The following CCDC120 variants were observed in gnomAD, a reference collection of about 807,000 sequenced individuals.
The protein encoded by CCDC120 is coiled-coil domain containing 120.
In CCDC120, 16 loss-of-function variants were observed where a neutral mutation model predicts 37.6. That is an observed-to-expected ratio of 0.43 (90% CI 0.29 to 0.65). The LOEUF (loss-of-function observed/expected upper bound fraction) is 0.65, where lower values mean the gene tolerates loss of function less well. CCDC120 is among the 30% of genes least tolerant of loss of function. CCDC120 has a pLI of 0.18. For synonymous variants in CCDC120, 309 were observed against 275.4 expected (o/e 1.12, Z -1.21); for missense variants, 650 against 657.4 (o/e 0.99, Z 0.12).
At chrX:49,056,952 A>G (rs1033734074), upstream of CCDC120, among the ~76,000 whole-genome samples, 9 of 112,073 alleles carry the variant, frequency 8.0e-5, no homozygotes, top group African/African-American at 2.3e-4. Context: ...ATCGTCCCCA[A>G]TTGACAGAGA....
chrX:49,069,706 T>C lies in CCDC120; in HGVS notation c.*1048T>C, dbSNP rs2064999043. 1 of 112,509 alleles carries C rather than the reference T, an allele frequency of 8.9e-6. No homozygotes were observed. The highest frequency in any genetic ancestry group is 3.2e-5 in the African/African-American group (1 of 30,863). 9.3% of individuals were successfully genotyped at this position (112,509 alleles called of 1,213,427 possible). The stretch of plus-strand genomic sequence containing the variant: ...TAAGCAAACCCACACAAGTTGTGTT[T>C]TCTATGATACCTGTCTGTGATTTTC... On this transcript the variant is annotated 3_prime_UTR_variant, in exon 11 of 11. Coordinates refer to ENST00000603986, the MANE Select transcript of CCDC120 (RefSeq NM_001163321.4).
upstream of CCDC120, among the ~76,000 whole-genome samples, chrX:49,054,209 C>T (rs1557078098): frequency 1.8e-5 from 2 of 110,997 alleles, no homozygotes; most frequent in African/African-American, 3.3e-5. Context: ...TGCCTGACCC[C>T]GTCTCATCTC....
intron 3 of CCDC120, 39 bp downstream of exon 3, chrX:49,062,364 C>T: frequency 4.1e-6 from 5 of 1,206,407 alleles, no homozygotes; most frequent in Non-Finnish European, 5.6e-6. Flanking sequence ...TCCTCCCCTG[C>T]TCTGAATCAC....
At chrX:49,065,696 G>A in intron 8 of CCDC120, 51 bp from the exon 9 acceptor site, 1 of 1,186,643 alleles carries the variant, frequency 8.4e-7, no homozygotes, top group Non-Finnish European at 1.1e-6. Context: ...GCTGGCAGAG[G>A]GTCTGCTGGT....
chrX:49,068,326 G>A (rs2064984870), intron 10 of CCDC120: 1 of 1,067,028 alleles, frequency 9.4e-7, no homozygotes, highest in Non-Finnish European at 1.2e-6. Flanking sequence ...GGCTGAAGAT[G>A]AGCCTTGAAG....
chrX:49,065,690 G>T (rs2064945042), intron 8 of CCDC120, 57 bp from the exon 9 acceptor site: 2 of 1,191,232 alleles, frequency 1.7e-6, no homozygotes, highest in Non-Finnish European at 2.3e-6. Flanking sequence ...GCCTGGGCTG[G>T]CAGAGGGTCT....
chrX:49,055,376 C>T (rs1409434208), upstream of CCDC120, among the ~76,000 whole-genome samples: 1 of 112,129 alleles, frequency 8.9e-6, no homozygotes, highest in African/African-American at 3.2e-5. Flanking sequence ...ATTCTGGGTG[C>T]ATGATCCCTG....
In CCDC120 at chrX:49,064,531, G is replaced by A; in HGVS notation, c.591G>A (p.Glu197=). The change falls in exon 6 of 11, where the codon GAG becomes GAA. Residue 197 remains glutamate (E), a synonymous_variant. Transcript: ENST00000603986. Reference sequence around the variant, plus strand: ...TGAGGAGGCTGCATGAGCTAGAGGAGCAGCTCAGGGATGTCCGGGCCCGCC... The same window carrying A: ...TGAGGAGGCTGCATGAGCTAGAGGAACAGCTCAGGGATGTCCGGGCCCGCC... The part of the protein sequence containing the change: ...DALRRLHELE[E]QLRDVRARLG... The A allele has an allele frequency of 8.5e-7, 1 of 1,181,207 alleles. No homozygotes were observed. Among genetic ancestry groups the A allele is most frequent in the Admixed American group, 2.4e-5 (1 of 41,412 alleles).
upstream of CCDC120, among the ~76,000 whole-genome samples, chrX:49,056,625 C>CAGA (rs2064832757): frequency 2.1e-5 from 1 of 47,125 alleles, no homozygotes; most frequent in African/African-American, 9.0e-5. Flanking sequence ...GACTCCGTCT[C>CAGA]AAAAAAAAAA....
At chrX:49,068,234 T>G in intron 10 of CCDC120, 144 bp downstream of exon 10, 1 of 1,097,935 alleles carries the variant, frequency 9.1e-7, no homozygotes, top group Non-Finnish European at 1.2e-6. Flanking sequence ...GTCACTCTAC[T>G]GCACATGACC....
chrX:49,056,577 G>A (rs1386083759), upstream of CCDC120, among the ~76,000 whole-genome samples: 2 of 86,621 alleles, frequency 2.3e-5, no homozygotes, highest in African/African-American at 9.1e-5. Context: ...AGTGAGCCGA[G>A]ATCATGCCAC....
Position 49,068,104 on chromosome X carries a change from T to C in CCDC120, c.1976+14T>C. On this transcript the variant is annotated intron_variant, in intron 10 of 10. Transcript: ENST00000603986. ...TGTCTCTGGCAGGTATGGGGGGTGC[T>C]TTTACTGATGGGTAGGGGTCTCGTA... The C allele has an allele frequency of 8.6e-7, 1 of 1,161,297 alleles. No homozygotes were observed. The highest frequency in any genetic ancestry group is 1.1e-6 in the Non-Finnish European group (1 of 870,072).
chrX:49,059,414 C>T (rs955540250), intron 1 of CCDC120: 158 of 698,236 alleles, frequency 2.3e-4, no homozygotes, highest in East Asian at 3.1e-4. Context: ...CTTTCCTCCC[C>T]GCCAGGAGTA....
rs1557079733 is a variant in CCDC120 at position 49,062,478 on chromosome X, C to T, written c.165C>T (p.Phe55=). 1.3e-5 allele frequency: 16 copies of T among 1,212,061 alleles called. No individual in the cohort carries two copies. Among genetic ancestry groups the T allele is most frequent in the Middle Eastern group, 2.3e-4 (1 of 4,354 alleles). Residue 55 remains phenylalanine (F), a synonymous_variant, in exon 4 of 11, where the codon TTC becomes TTT. Transcript: ENST00000603986. ...TCCCTCTGTGTCCAGCTGCCCTGTT[C>T]GGAGAGGCTGCCCCCCAGGTGAAGT... ...SPTFNAPAAL[F]GEAAPQVKSE... is the part of the protein sequence containing the mutation.
chrX:49,055,082 G>T (rs2064822225), upstream of CCDC120, among the ~76,000 whole-genome samples: 1 of 112,395 alleles, frequency 8.9e-6, no homozygotes, highest in Admixed American at 9.4e-5. Context: ...GCTGATGGGG[G>T]TTTTTGTGTG....
upstream of CCDC120, among the ~76,000 whole-genome samples, chrX:49,056,545 G>T (rs782683666): frequency 1.0e-5 from 1 of 98,478 alleles, no homozygotes; most frequent in Non-Finnish European, 2.0e-5. Flanking sequence ...GGAACTGCTT[G>T]AACCCGGGTG....
chrX:49,055,202 A>C (rs782335999), upstream of CCDC120, among the ~76,000 whole-genome samples: 1 of 112,733 alleles, frequency 8.9e-6, no homozygotes, highest in African/African-American at 3.2e-5. Flanking sequence ...CAAGTGTGAA[A>C]GAATACCCTA....
chrX:49,053,997 C>G (rs2064815742), upstream of CCDC120: 1 of 113,119 alleles, frequency 8.8e-6, no homozygotes, highest in Admixed American at 9.2e-5. Context: ...GGCCTCAGCC[C>G]TGACCCCTTA....
At chrX:49,059,509 C>T (rs2064858839) in intron 1 of CCDC120, 1 of 186,571 alleles carries the variant, frequency 5.4e-6, no homozygotes, top group African/African-American at 3.1e-5. Context: ...AGGCACCTGC[C>T]TGCCTATGCC....
Sources: gnomAD v4.1 joint callset for allele counts (sites outside exome capture counted in the v4.1 genomes callset) on GRCh38, gnomAD v4.1.1 for gene constraint, MANE v1.5 for transcripts, NCBI Gene and HGNC (gene_info 2026-07-23, HGNC 2026-07-21) for gene names.